EXPH5: variants seen among roughly 807,000 people sequenced by gnomAD.
The protein encoded by EXPH5 is exophilin 5, also known as exophilin-5.
A neutral mutation model predicts 41.1 loss-of-function variants in EXPH5; 42 were observed. That is an observed-to-expected ratio of 1.02 (90% CI 0.80 to 1.32). The LOEUF (loss-of-function observed/expected upper bound fraction) is 1.32, where lower values mean the gene tolerates loss of function less well. EXPH5 is among the 40% of genes most tolerant of loss of function. The pLI is 0.00. For missense variants in EXPH5, 2,298 were observed against 2,314.5 expected, an observed-to-expected ratio of 0.99 and a Z score of 0.15; for synonymous variants, 798 against 833.5, an observed-to-expected ratio of 0.96 and a Z score of 0.73.
At position 108,512,982 on chromosome 11, in the gene EXPH5, C is replaced by A. The variant is rs1479965811; in HGVS notation, c.2525G>T (p.Arg842Ile). 6.2e-7 allele frequency: 1 copy of A among 1,613,184 alleles called. No homozygotes were observed. Among genetic ancestry groups the A allele is most frequent in the Non-Finnish European group, 8.5e-7 (1 of 1,179,620 alleles). ...GCTCCAGTGGTTATTTGTAATAATT[C>A]TTGAAATATCTTCATTATTTACAGT... The part of the protein sequence containing the change: ...ELTVNNEDIS[R>I]IITNNHWSSA... Residue 842 changes from arginine (R) to isoleucine (I), a missense_variant, in exon 6 of 6, where the codon AGA becomes ATA. Transcript: ENST00000265843.
the EXPH5 span, among the ~76,000 whole-genome samples, chr11:108,599,676 C>T: frequency 6.6e-6 from 1 of 152,194 alleles, no homozygotes; most frequent in Non-Finnish European, 1.5e-5. Flanking sequence ...AGCAATTCTA[C>T]CTACTTCCAT....
At chr11:108,557,763 G>A (rs1310254108) in intron 1 of EXPH5, among the ~76,000 whole-genome samples, 2 of 152,092 alleles carry the variant, frequency 1.3e-5, no homozygotes, top group Non-Finnish European at 2.9e-5. Context: ...ACAAGCATGA[G>A]GACGTTGCCT....
chr11:108,518,213 G>A lies in EXPH5; in HGVS notation c.631+22C>T, dbSNP rs1396178602. ...CCTTTAGTTATCAGTAGTTGCAAAG[G>A]CAATTTAATGCATGAACTTACCTTG... On this transcript the variant is annotated intron_variant, in intron 5 of 5. Coordinates refer to ENST00000265843, the MANE Select transcript of EXPH5 (RefSeq NM_015065.3). 6.2e-6 allele frequency: 10 copies of A among 1,604,744 alleles called. No homozygotes were observed. The Admixed American group carries it at 1.0e-4, about 17-fold the overall frequency.
At chr11:108,604,227 C>CGA in the EXPH5 span, among the ~76,000 whole-genome samples, 1 of 109,750 alleles carries the variant, frequency 9.1e-6, no homozygotes, top group Non-Finnish European at 1.8e-5. Context: ...CCCATCTCTA[C>CGA]AAAAAAAAAA....
chr11:108,582,262 A>G (rs1031211764), intron 1 of EXPH5, among the ~76,000 whole-genome samples: 1 of 152,152 alleles, frequency 6.6e-6, no homozygotes, highest in African/African-American at 2.4e-5. Flanking sequence ...CAAGAGTTCA[A>G]GATCAGCCTG....
chr11:108,597,645 T>C (rs995424128), upstream of EXPH5, among the ~76,000 whole-genome samples: 3 of 152,208 alleles, frequency 2.0e-5, no homozygotes, highest in East Asian at 1.9e-4. Context: ...TTATAATTAA[T>C]GGTGAGTCTG....
chr11:108,541,954 T>G (rs1378068598), intron 1 of EXPH5, 142 bp from the exon 2 acceptor site: 1 of 618,738 alleles, frequency 1.6e-6, no homozygotes, highest in East Asian at 3.0e-5. Context: ...CTCGTCTCAC[T>G]GCAACCTTCA....
intron 1 of EXPH5, among the ~76,000 whole-genome samples, chr11:108,549,920 C>T (rs538006220): frequency 4.0e-4 from 61 of 152,308 alleles, no homozygotes; most frequent in African/African-American, 1.4e-3. Context: ...TCTCTTTTAC[C>T]TCTTTCCTAG....
chr11:108,589,188 A>C (rs1418690380), intron 1 of EXPH5, among the ~76,000 whole-genome samples: 1 of 152,144 alleles, frequency 6.6e-6, no homozygotes, highest in Admixed American at 6.5e-5. Flanking sequence ...TCTGTGTTTT[A>C]TTTTCCACTG....
chr11:108,520,692 G>A (rs1480942975), intron 4 of EXPH5, among the ~76,000 whole-genome samples: 2 of 151,536 alleles, frequency 1.3e-5, no homozygotes, highest in East Asian at 1.9e-4. Flanking sequence ...TCAGCCTCCC[G>A]AGTAGCTGGG....
intron 4 of EXPH5, among the ~76,000 whole-genome samples, chr11:108,518,904 G>A (rs116997519): frequency 6.6e-6 from 1 of 152,206 alleles, no homozygotes; most frequent in East Asian, 1.9e-4. Context: ...CTACACTCCT[G>A]CCAGCACCAT....
chr11:108,530,267 T>A (rs190718331), intron 3 of EXPH5, among the ~76,000 whole-genome samples: 15 of 152,316 alleles, frequency 9.8e-5, no homozygotes, highest in Non-Finnish European at 2.1e-4. Flanking sequence ...ACACTCTACA[T>A]ACTATGTTGA....
chr11:108,514,555 T>C lies in EXPH5; in HGVS notation c.952A>G (p.Ser318Gly), dbSNP rs1360533501. The change falls in exon 6 of 6, where the codon AGT becomes GGT. Residue 318 changes from serine (S) to glycine (G), a missense_variant. Ser to Gly is a moderately conservative substitution (Grantham distance 56). Coordinates refer to ENST00000265843, the MANE Select transcript of EXPH5 (RefSeq NM_015065.3). ...CTGCTGTCAAAACACAGCGAAGTAC[T>C]GCCAAAAGTATTCTTTTGCACATAA... ...EDYVQKNTFG[S>G]TSLCFDSRQR... 1 of 1,613,946 alleles carries C rather than the reference T, an allele frequency of 6.2e-7. No individual in the cohort carries two copies. The highest frequency in any genetic ancestry group is 8.5e-7 in the Non-Finnish European group (1 of 1,179,958).
chr11:108,512,117 T>G lies in EXPH5; in HGVS notation c.3390A>C (p.Pro1130=), dbSNP rs1043296862. The G allele has an allele frequency of 6.2e-7, 1 of 1,613,874 alleles. No homozygotes were observed. The highest frequency in any genetic ancestry group is 8.5e-7 in the Non-Finnish European group (1 of 1,179,916). Residue 1130 remains proline, a synonymous_variant, in exon 6 of 6, where the codon CCA becomes CCC. Coordinates refer to ENST00000265843, the MANE Select transcript of EXPH5 (RefSeq NM_015065.3). The stretch of plus-strand genomic sequence containing the variant: ...TTCCTTCTCTTCCAGTTGAGGCATG[T>G]GGCTCCCCTGAGGGACATGACATAG... The part of the protein sequence containing the change: ...NRAMSCPSGE[P]HASTGREGRK...
Position 108,514,681 on chromosome 11 carries a change from T to C in EXPH5, c.826A>G (p.Arg276Gly). 1 of 1,603,888 alleles carries C rather than the reference T, an allele frequency of 6.2e-7. No homozygotes were observed. Among genetic ancestry groups the C allele is most frequent in the South Asian group, 1.1e-5 (1 of 88,702 alleles). Residue 276 changes from arginine to glycine, a missense_variant, in exon 6 of 6, where the codon AGA (arginine) becomes GGA (glycine). Coordinates refer to ENST00000265843, the MANE Select transcript of EXPH5 (RefSeq NM_015065.3). The part of the protein sequence containing the change: ...TSNMSIYDIL[R>G]PGTPREGFKT... ...AAACCTTCCCTAGGAGTTCCTGGTC[T>C]TAGGATGTCATAGATAGACATATTG...
At chr11:108,593,352 T>A in intron 1 of EXPH5, 66 bp downstream of exon 1, 1 of 1,435,714 alleles carries the variant, frequency 7.0e-7, no homozygotes, top group Non-Finnish European at 9.7e-7. Flanking sequence ...CTCAGCGCCT[T>A]CCCCGCGGAT....
At position 108,509,317 on chromosome 11, in the gene EXPH5, G is replaced by C. The variant is rs1421412288; in HGVS notation, c.*220C>G. 2.6e-6 allele frequency: 1 copy of C among 390,864 alleles called. No homozygotes were observed. Among genetic ancestry groups the C allele is most frequent in the Non-Finnish European group, 4.5e-6 (1 of 221,514 alleles). 24.2% of individuals were successfully genotyped at this position (390,864 alleles called of 1,614,324 possible). On this transcript the variant is annotated 3_prime_UTR_variant, in exon 6 of 6. Transcript: ENST00000265843. The stretch of plus-strand genomic sequence containing the variant: ...AAGGCAGGCTAAGAACATTTACAGA[G>C]ATAGAAAATAGCAGAGACTCTCTCA...
At chr11:108,600,555 T>A in the EXPH5 span, among the ~76,000 whole-genome samples, 13 of 152,310 alleles carry the variant, frequency 8.5e-5, no homozygotes, top group African/African-American at 2.4e-4. Context: ...ATAATTTCAT[T>A]TCTTGTTTTT....
chr11:108,593,321 C>A, intron 1 of EXPH5, 97 bp downstream of exon 1: 3 of 1,072,612 alleles, frequency 2.8e-6, no homozygotes, highest in Non-Finnish European at 4.2e-6. Flanking sequence ...GGAGCACCCC[C>A]GGGCAGGTGC....
Sources: allele counts gnomAD v4.1 joint callset (sites outside exome capture counted in the v4.1 genomes callset), GRCh38; gene constraint gnomAD v4.1.1; transcripts MANE v1.5; gene names NCBI Gene and HGNC (gene_info 2026-07-23, HGNC 2026-07-21).